The following ERCC6L2 variants were observed in gnomAD, a reference collection of about 807,000 sequenced individuals.
The protein encoded by ERCC6L2 is DNA excision repair protein ERCC-6-like 2.
A neutral mutation model predicts 132.0 loss-of-function variants in ERCC6L2; 77 were observed. The observed-to-expected ratio is 0.58, with a 90% CI of 0.49 to 0.71. The LOEUF (loss-of-function observed/expected upper bound fraction) is 0.71. Ranked by LOEUF, ERCC6L2 falls within the 30% of genes least tolerant of loss-of-function variation. The probability of loss-of-function intolerance (pLI) is 0.00; values close to 1 mark genes in which losing one functional copy is unlikely to be tolerated. For missense variants in ERCC6L2, 1,542 were observed against 1,837.6 expected (o/e 0.84, Z 2.94); for synonymous variants, 583 against 632.4 (o/e 0.92, Z 1.17).
intron 19 of ERCC6L2, among the ~76,000 whole-genome samples, chr9:96,033,205 TA>T (rs1397975347): frequency 6.6e-6 from 1 of 152,032 alleles, no homozygotes; most frequent in African/African-American, 2.4e-5. Context: ...GAATCTGACA[TA>T]TTATACCTGA....
intron 6 of ERCC6L2, among the ~76,000 whole-genome samples, chr9:95,920,598 G>A (rs957840202): frequency 5.9e-5 from 9 of 151,970 alleles, no homozygotes; most frequent in Admixed American, 2.0e-4. Context: ...AACTGTGTAA[G>A]GAACATCATT....
At chr9:95,965,118 G>A (rs1832092502) in intron 13 of ERCC6L2, among the ~76,000 whole-genome samples, 1 of 152,052 alleles carries the variant, frequency 6.6e-6, no homozygotes, top group African/African-American at 2.4e-5. Flanking sequence ...TTGGTATGTT[G>A]ATCCATAACT....
intron 18 of ERCC6L2, among the ~76,000 whole-genome samples, chr9:96,005,719 T>G (rs1419681953): frequency 6.6e-6 from 1 of 150,594 alleles, no homozygotes; most frequent in Non-Finnish European, 1.5e-5. Flanking sequence ...ACAGAAAGAG[T>G]TTGGATTTTG....
intron 17 of ERCC6L2, among the ~76,000 whole-genome samples, chr9:96,002,176 T>A (rs1171719966): frequency 6.6e-6 from 1 of 152,150 alleles, no homozygotes; most frequent in Non-Finnish European, 1.5e-5. Context: ...CACAGTGCAG[T>A]GGGGGACTGA....
intron 12 of ERCC6L2, among the ~76,000 whole-genome samples, chr9:95,946,834 T>C (rs891325301): frequency 5.9e-5 from 9 of 152,328 alleles, no homozygotes; most frequent in African/African-American, 2.2e-4. Context: ...TGGTGATCTG[T>C]GATCACTGAT....
At chr9:95,921,806 CTG>C (rs1476283727) in intron 7 of ERCC6L2, among the ~76,000 whole-genome samples, 1 of 152,080 alleles carries the variant, frequency 6.6e-6, no homozygotes, top group East Asian at 1.9e-4. Flanking sequence ...TGTTTCACCT[CTG>C]TTTTATTAAA....
chr9:96,008,549 C>T (rs918000571), intron 18 of ERCC6L2, among the ~76,000 whole-genome samples: 1 of 152,174 alleles, frequency 6.6e-6, no homozygotes, highest in African/African-American at 2.4e-5. Flanking sequence ...ATGAGTCGTC[C>T]TTCAATGCTC....
intron 6 of ERCC6L2, among the ~76,000 whole-genome samples, chr9:95,916,807 C>T (rs1231566811): frequency 6.6e-6 from 1 of 151,816 alleles, no homozygotes; most frequent in Non-Finnish European, 1.5e-5. Context: ...CTCAGCCTCC[C>T]GAGTAACTGG....
At chr9:95,963,975 A>G (rs1175059611) in intron 13 of ERCC6L2, among the ~76,000 whole-genome samples, 4 of 152,120 alleles carry the variant, frequency 2.6e-5, no homozygotes, top group South Asian at 2.1e-4. Flanking sequence ...TCTCCACTGC[A>G]AAGTTACTAT....
rs774307774 is a variant in ERCC6L2, at chr9:95,955,933, T to G, written c.1867T>G (p.Cys623Gly). The change falls in exon 13 of 19, where the codon TGT becomes GGT. Residue 623 changes from cysteine (C) to glycine (G), a missense_variant. Coordinates refer to ENST00000653738, the MANE Select transcript of ERCC6L2 (RefSeq NM_020207.7). ...TTACAGAGCATATAGGATTGGACAATGTAGAGATGTCAAAGTGCTTAGGCT... is the reference window on the plus strand; with the variant it reads ...TTACAGAGCATATAGGATTGGACAAGGTAGAGATGTCAAAGTGCTTAGGCT... ...AIDRAYRIGQ[C>G]RDVKVLRLIS... The G allele has an allele frequency of 2.5e-6, 4 of 1,603,818 alleles. No homozygotes were observed. The Admixed American group carries it at 5.2e-5, about 21-fold the overall frequency.
intron 11 of ERCC6L2, among the ~76,000 whole-genome samples, chr9:95,932,210 C>T (rs1830371978): frequency 6.6e-6 from 1 of 152,026 alleles, no homozygotes; most frequent in Non-Finnish European, 1.5e-5. Context: ...GGACTACAGG[C>T]CTGTGCCACC....
chr9:95,939,363 C>T (rs996827934), intron 11 of ERCC6L2, among the ~76,000 whole-genome samples: 2 of 150,344 alleles, frequency 1.3e-5, no homozygotes, highest in Non-Finnish European at 3.0e-5. Context: ...TCTTAGTTTT[C>T]GTTAGTCTGA....
rs772603816 is a variant in ERCC6L2, at chr9:95,893,723, G to A, written c.472-4126G>A. ...TCTAAATTTTACATTTATTGGCAAA[G>A]CATTATTATGGCTTATACATATTTT... On this transcript the variant is annotated intron_variant, in intron 2 of 18. Coordinates refer to ENST00000653738, the MANE Select transcript of ERCC6L2 (RefSeq NM_020207.7). Among the ~76,000 whole-genome samples the A allele has an allele frequency of 7.2e-5, 11 of 152,062 alleles. No individual in the cohort carries two copies. The South Asian group carries it at 2.3e-3, about 32-fold the overall frequency.
intron 2 of ERCC6L2, among the ~76,000 whole-genome samples, chr9:95,881,969 A>G (rs1827621869): frequency 6.6e-6 from 1 of 152,162 alleles, no homozygotes; most frequent in Non-Finnish European, 1.5e-5. Context: ...TTTGCCTCTC[A>G]CAGGGCTGCA....
At chr9:95,978,947 C>G (rs1412072699) in intron 17 of ERCC6L2, among the ~76,000 whole-genome samples, 1 of 152,052 alleles carries the variant, frequency 6.6e-6, no homozygotes, top group Non-Finnish European at 1.5e-5. Context: ...TCTGAACTAT[C>G]AAGGGAATTA....
intron 18 of ERCC6L2, among the ~76,000 whole-genome samples, chr9:96,011,586 T>C (rs1467131363): frequency 1.3e-5 from 2 of 152,218 alleles, no homozygotes; most frequent in African/African-American, 4.8e-5. Context: ...CAACAGCTTT[T>C]ATTAGTATCT....
rs138899282 is a variant in ERCC6L2, at chr9:96,033,172, G to A, written c.*1504-5704G>A. Among the ~76,000 whole-genome samples, 4 of 152,164 alleles carry A rather than the reference G, an allele frequency of 2.6e-5. No homozygotes were observed. The East Asian group carries it at 5.8e-4, about 22-fold the overall frequency. On this transcript the variant is annotated intron_variant and NMD_transcript_variant, in intron 19 of 20. Transcript: ENST00000670016. ...ACAAGAAATTTTCCATTAGGATTTA[G>A]GCCCAGTCATTGTTTCCAGTTTGAA...
chr9:95,882,590 T>C (rs1300397384), intron 2 of ERCC6L2, among the ~76,000 whole-genome samples: 1 of 152,104 alleles, frequency 6.6e-6, no homozygotes, highest in Non-Finnish European at 1.5e-5. Flanking sequence ...AACTCAAAGG[T>C]TTAAGTGGAA....
chr9:95,926,241 G>A (rs775519705), intron 9 of ERCC6L2, among the ~76,000 whole-genome samples: 1 of 152,084 alleles, frequency 6.6e-6, no homozygotes, highest in Non-Finnish European at 1.5e-5. Context: ...ATATGATCCC[G>A]CAATTGTGCC....
Sources: gnomAD v4.1 joint callset for allele counts (sites outside exome capture counted in the v4.1 genomes callset) on GRCh38, gnomAD v4.1.1 for gene constraint, MANE v1.5 for transcripts, NCBI Gene and HGNC (gene_info 2026-07-23, HGNC 2026-07-21) for gene names.